OGDHL: variants seen among roughly 807,000 people sequenced by gnomAD.
OGDHL encodes 2-oxoglutarate dehydrogenase-like, mitochondrial.
In OGDHL, 79 loss-of-function variants were observed where a neutral mutation model predicts 109.6. The observed-to-expected ratio is 0.72, with a 90% CI of 0.60 to 0.87. The LOEUF is 0.87. Among genes scored for constraint, OGDHL ranks in the 40% least tolerant of loss-of-function variants. The probability of loss-of-function intolerance (pLI) is 0.00; values close to 1 mark genes in which losing one functional copy is unlikely to be tolerated. For synonymous variants in OGDHL, 528 were observed against 537.2 expected, an observed-to-expected ratio of 0.98 and a Z score of 0.24; for missense variants, 1,275 against 1,362.2, an observed-to-expected ratio of 0.94 and a Z score of 1.01.
At chr10:49,760,094 A>C (rs1396031656) in intron 1 of OGDHL, among the ~76,000 whole-genome samples, 1 of 152,260 alleles carries the variant, frequency 6.6e-6, no homozygotes, top group Non-Finnish European at 1.5e-5. Context: ...GCCAGAGGAA[A>C]GGGGTGATGT....
chr10:49,740,623 C>A, intron 16 of OGDHL, 87 bp downstream of exon 16: 1 of 1,499,428 alleles, frequency 6.7e-7, no homozygotes, highest in Non-Finnish European at 8.9e-7. Context: ...TCGCCCCTCC[C>A]AGGCCCTGGC....
At chr10:49,740,654 T>G in intron 16 of OGDHL, 56 bp downstream of exon 16, 1 of 1,580,228 alleles carries the variant, frequency 6.3e-7, no homozygotes, top group Non-Finnish European at 8.6e-7. Flanking sequence ...TCCCAGCCCA[T>G]CTCTTGTCCC....
rs757315285 is a variant in OGDHL at position 49,740,795 on chromosome 10, C to T, written c.2055G>A (p.Arg685=). ...AGAGATGATTCATAGGCACACACGT[C>T]CTGCGGTCAACCTCCTGGTCATGGA... The part of the protein sequence containing the change: ...HVLHDQEVDR[R]TCVPMNHLWP... The change falls in exon 16 of 23, where the codon AGG becomes AGA. Residue 685 remains arginine (R), a synonymous_variant. Coordinates refer to ENST00000374103, the MANE Select transcript of OGDHL (RefSeq NM_018245.3). The T allele has an allele frequency of 6.2e-7, 1 of 1,613,962 alleles. No individual in the cohort carries two copies. The highest frequency in any genetic ancestry group is 2.2e-5 in the East Asian group (1 of 44,876).
At chr10:49,745,101 C>A (rs1842076934) in intron 12 of OGDHL, among the ~76,000 whole-genome samples, 1 of 152,252 alleles carries the variant, frequency 6.6e-6, no homozygotes, top group Non-Finnish European at 1.5e-5. Flanking sequence ...AGGAAGCCTT[C>A]CCGCACTCCT....
chr10:49,745,543 G>A, intron 11 of OGDHL, 47 bp from the exon 12 acceptor site: 2 of 1,607,672 alleles, frequency 1.2e-6, no homozygotes, highest in African/African-American at 1.3e-5. Context: ...ACGCTGTGTG[G>A]TCAATGTAGC....
At chr10:49,758,780 C>T in intron 1 of OGDHL, 187 bp from the exon 2 acceptor site, 6 of 628,924 alleles carry the variant, frequency 9.5e-6, no homozygotes, top group South Asian at 1.9e-5. Flanking sequence ...GTGGAAGCTC[C>T]CAGCTCAGTA....
At chr10:49,735,427 CA>C in intron 22 of OGDHL, 76 bp from the exon 23 acceptor site, 1 of 1,542,388 alleles carries the variant, frequency 6.5e-7, no homozygotes. Context: ...TCCGGGACTG[CA>C]GGGGGCACGC....
Position 49,757,735 on chromosome 10 carries a change from C to A in OGDHL, c.204+654G>T, listed in dbSNP as rs1298486622. Among the ~76,000 whole-genome samples the A allele has an allele frequency of 2.6e-5, 4 of 152,238 alleles. No individual in the cohort carries two copies. In the South Asian group the frequency reaches 8.3e-4, roughly 32 times the overall value. On this transcript the variant is annotated intron_variant, in intron 2 of 22. Transcript: ENST00000374103. ...AAGATCTTGGAGATACATCACCAAG[C>A]GAAAACAGCAGGGAGCAAAACAGTA...
rs1174477400 is a variant in OGDHL at position 49,758,433 on chromosome 10, C to T, written c.160G>A (p.Glu54Lys). Residue 54 changes from glutamate to lysine, a missense_variant, in exon 2 of 23, where the codon GAG (glutamate) becomes AAG (lysine). By Grantham distance (56) the Glu-to-Lys change is moderately conservative (BLOSUM62 1). Coordinates refer to ENST00000374103, the MANE Select transcript of OGDHL (RefSeq NM_018245.3). ...TTTTCCAACCAGGCGAAGTACATCTCCTCCATGTAACTGGAGCCGCCTCCA... is the reference window on the plus strand; with the variant it reads ...TTTTCCAACCAGGCGAAGTACATCTTCTCCATGTAACTGGAGCCGCCTCCA... Reference protein sequence around the residue: ...KGGGGSSYMEEMYFAWLENPQ... With the variant: ...KGGGGSSYMEKMYFAWLENPQ... The T allele has an allele frequency of 6.2e-7, 1 of 1,613,832 alleles. No individual in the cohort carries two copies. The highest frequency in any genetic ancestry group is 2.2e-5 in the East Asian group (1 of 44,878).
Position 49,742,839 on chromosome 10 carries a change from CCT to C in OGDHL, c.1999_2000del (p.Arg667GlyfsTer12). The C allele has an allele frequency of 5.6e-6, 9 of 1,613,090 alleles. No homozygotes were observed. The highest frequency in any genetic ancestry group is 7.6e-6 in the Non-Finnish European group (9 of 1,179,780). Reference sequence around the variant, plus strand: ...CCCACTGCGCTCACCTGAATGTGCCCCTCTCCACATCCTGCCCGCTGAGCCGC... The same window carrying C: ...CCCACTGCGCTCACCTGAATGTGCCCCTCCACATCCTGCCCGCTGAGCCGC... The part of the protein sequence containing the change: ...HVRLSGQDVE[R>X]GTFSHRHHVL... On this transcript the variant is annotated frameshift_variant, in exon 15 of 23. Transcript: ENST00000374103. LOFTEE classifies it high-confidence loss of function.
chr10:49,741,697 CCA>C (rs1027824284), intron 15 of OGDHL, among the ~76,000 whole-genome samples: 1 of 146,886 alleles, frequency 6.8e-6, no homozygotes, highest in Non-Finnish European at 1.5e-5. Context: ...ATACACATCC[CCA>C]CACACCAAAC....
chr10:49,737,912 C>CT, intron 19 of OGDHL, 35 bp downstream of exon 19: 1 of 1,614,178 alleles, frequency 6.2e-7, no homozygotes, highest in Admixed American at 1.7e-5. Context: ...GCCAGGCCCC[C>CT]TGCCTGTGAC....
chr10:49,746,501 C>T (rs879844135), intron 10 of OGDHL, among the ~76,000 whole-genome samples: 7 of 152,214 alleles, frequency 4.6e-5, no homozygotes, highest in African/African-American at 7.2e-5. Context: ...GGGCTGCACA[C>T]GGCCAGCCTC....
intron 14 of OGDHL, among the ~76,000 whole-genome samples, chr10:49,743,181 G>C (rs982693516): frequency 6.6e-6 from 1 of 152,230 alleles, no homozygotes; most frequent in Non-Finnish European, 1.5e-5. Context: ...TGGAGGGGTG[G>C]AGCAGGTACC....
chr10:49,752,043 G>T, intron 5 of OGDHL, 62 bp from the exon 6 acceptor site: 10 of 1,609,684 alleles, frequency 6.2e-6, no homozygotes, highest in Non-Finnish European at 8.5e-6. Flanking sequence ...CATCCCTGCT[G>T]TCTAGAACAA....
chr10:49,755,215 G>T (rs1842847529), intron 3 of OGDHL, among the ~76,000 whole-genome samples: 1 of 152,198 alleles, frequency 6.6e-6, no homozygotes, highest in African/African-American at 2.4e-5. Flanking sequence ...CTGCACTCCA[G>T]TCTGGGTGAC....
At chr10:49,746,027 G>A (rs761024980) in intron 10 of OGDHL, 50 bp from the exon 11 acceptor site, 2 of 1,589,802 alleles carry the variant, frequency 1.3e-6, no homozygotes, top group Non-Finnish European at 1.7e-6. Flanking sequence ...CTTAGAGTGA[G>A]ATAGAAGGTG....
At chr10:49,762,375 G>A (rs1476189392), upstream of OGDHL, 1 of 152,176 alleles carries the variant, frequency 6.6e-6, no homozygotes, top group African/African-American at 2.4e-5. Flanking sequence ...GCGCCCCTGA[G>A]ACTCCGCGCG....
intron 8 of OGDHL, among the ~76,000 whole-genome samples, chr10:49,748,237 C>A (rs1161776109): frequency 1.3e-5 from 2 of 152,252 alleles, no homozygotes; most frequent in African/African-American, 4.8e-5. Context: ...TGTAAGAAGC[C>A]TGGGGTAGCC....
Sources: allele counts gnomAD v4.1 joint callset (sites outside exome capture counted in the v4.1 genomes callset), GRCh38; gene constraint gnomAD v4.1.1; transcripts MANE v1.5; gene names NCBI Gene and HGNC (gene_info 2026-07-23, HGNC 2026-07-21).